SUSD6: variants seen among roughly 807,000 people sequenced by gnomAD.
The protein encoded by SUSD6 is sushi domain-containing protein 6.
Under a neutral mutation model 28.4 loss-of-function variants are expected in SUSD6, and 16 were observed. That is an observed-to-expected ratio of 0.56 (90% CI 0.38 to 0.86). The LOEUF is 0.86. SUSD6 is among the 40% of genes least tolerant of loss of function. The pLI, the probability that SUSD6 is intolerant of heterozygous loss-of-function variation, is 0.00. For missense variants in SUSD6, 341 were observed against 384.2 expected (o/e 0.89, Z 0.94); for synonymous variants, 147 against 159.6 (o/e 0.92, Z 0.59).
intron 1 of SUSD6, among the ~76,000 whole-genome samples, chr14:69,642,645 G>A (rs1333180839): frequency 9.5e-5 from 11 of 115,816 alleles, no homozygotes; most frequent in South Asian, 8.3e-4. Context: ...CAATTACCCC[G>A]CCCCCCGCCC....
intron 2 of SUSD6, among the ~76,000 whole-genome samples, chr14:69,679,854 T>G (rs1476973543): frequency 2.0e-5 from 3 of 152,226 alleles, no homozygotes; most frequent in Non-Finnish European, 4.4e-5. Flanking sequence ...CGTAGAAGTT[T>G]TGGAAAGTAT....
At chr14:69,634,673 T>C (rs1162172061) in intron 1 of SUSD6, among the ~76,000 whole-genome samples, 1 of 152,258 alleles carries the variant, frequency 6.6e-6, no homozygotes, top group Non-Finnish European at 1.5e-5. Flanking sequence ...GGAAGTGTGG[T>C]TGCAAAGGCA....
Position 69,714,480 on chromosome 14 carries a change from G to A in SUSD6, c.*3501G>A, listed in dbSNP as rs775064785. 3 of 152,226 alleles carry A rather than the reference G, an allele frequency of 2.0e-5. No individual in the cohort carries two copies. The highest frequency in any genetic ancestry group is 2.9e-5 in the Non-Finnish European group (2 of 68,056). The allele number at this position is 152,226 out of a possible 1,614,324, so 9.4% of individuals were successfully genotyped here. A position where few individuals can be genotyped will look rare whatever the true frequency, so the allele number is the denominator to read the frequency against. Reference sequence around the variant, plus strand: ...AGGCCTAGCAGGGAAGCAGCATGCAGGCTTCACAGCTTAATGCCAAGGACA... The same window carrying A: ...AGGCCTAGCAGGGAAGCAGCATGCAAGCTTCACAGCTTAATGCCAAGGACA... On this transcript the variant is annotated 3_prime_UTR_variant, in exon 6 of 6. Coordinates refer to ENST00000342745, the MANE Select transcript of SUSD6 (RefSeq NM_014734.4).
chr14:69,621,048 C>T (rs969017768), intron 1 of SUSD6, among the ~76,000 whole-genome samples: 14 of 152,152 alleles, frequency 9.2e-5, no homozygotes, highest in African/African-American at 2.2e-4. Context: ...AGTAAACGTA[C>T]GCCCTCCCCC....
At position 69,636,219 on chromosome 14, in the gene SUSD6, G is replaced by A. The variant is rs79571727; in HGVS notation, c.-80-22294G>A. 2.6e-5 allele frequency among the ~76,000 whole-genome samples: 4 copies of A among 152,342 alleles called. No individual in the cohort carries two copies. In the East Asian group the frequency reaches 5.8e-4, roughly 22 times the overall value. On this transcript the variant is annotated intron_variant, in intron 1 of 5. Coordinates refer to ENST00000342745, the MANE Select transcript of SUSD6 (RefSeq NM_014734.4). Reference sequence around the variant, plus strand: ...CTCTTGCTGCCTGGAGTGGGCGGCAGGCTATAGAACCACAATAGAGCAAGT... The same window carrying A: ...CTCTTGCTGCCTGGAGTGGGCGGCAAGCTATAGAACCACAATAGAGCAAGT...
intron 1 of SUSD6, among the ~76,000 whole-genome samples, chr14:69,632,457 AATGTAATG>A (rs1228006837): frequency 6.3e-4 from 96 of 152,250 alleles, no homozygotes; most frequent in African/African-American, 2.3e-3. Context: ...TGGCTTTTAA[AATGTAATG>A]CTTCCTTCCC....
At chr14:69,684,544 A>G (rs1372476047) in intron 2 of SUSD6, among the ~76,000 whole-genome samples, 2 of 152,254 alleles carry the variant, frequency 1.3e-5, no homozygotes, top group East Asian at 1.9e-4. Context: ...GATACTGCCC[A>G]GTTTTCTTAA....
chr14:69,687,739 C>T (rs960598746), intron 2 of SUSD6, among the ~76,000 whole-genome samples: 6 of 152,182 alleles, frequency 3.9e-5, no homozygotes, highest in African/African-American at 4.8e-5. Flanking sequence ...TGGCTGGCCA[C>T]GACATGGAGT....
At chr14:69,666,745 T>C (rs774858547) in intron 2 of SUSD6, among the ~76,000 whole-genome samples, 2 of 152,212 alleles carry the variant, frequency 1.3e-5, no homozygotes, top group African/African-American at 2.4e-5. Context: ...GAGAATTGTT[T>C]AGTCATCCAA....
intron 1 of SUSD6, among the ~76,000 whole-genome samples, chr14:69,624,436 C>T (rs1377031574): frequency 1.3e-5 from 2 of 151,922 alleles, no homozygotes; most frequent in Non-Finnish European, 2.9e-5. Context: ...CAAATTTAAC[C>T]TCTTTGATAC....
intron 2 of SUSD6, among the ~76,000 whole-genome samples, chr14:69,667,951 C>T (rs1325382169): frequency 6.6e-6 from 1 of 152,144 alleles, no homozygotes; most frequent in Non-Finnish European, 1.5e-5. Flanking sequence ...AGTGATCATC[C>T]CAGTAGATCC....
At chr14:69,627,084 C>G (rs1261870900) in intron 1 of SUSD6, among the ~76,000 whole-genome samples, 1 of 152,192 alleles carries the variant, frequency 6.6e-6, no homozygotes, top group Non-Finnish European at 1.5e-5. Flanking sequence ...ACCCTCTTAA[C>G]TAATTGCAAA....
At chr14:69,649,750 A>T (rs1885477163) in intron 1 of SUSD6, among the ~76,000 whole-genome samples, 1 of 152,152 alleles carries the variant, frequency 6.6e-6, no homozygotes, top group Admixed American at 6.5e-5. Context: ...CCAGGCAGGG[A>T]TGCTGAGGGT....
intron 2 of SUSD6, among the ~76,000 whole-genome samples, chr14:69,694,406 G>GT (rs1886193983): frequency 6.6e-6 from 1 of 152,198 alleles, no homozygotes; most frequent in Non-Finnish European, 1.5e-5. Flanking sequence ...GGACTACCCA[G>GT]TGGGTAACTG....
rs917574751 is a variant in SUSD6, at chr14:69,672,151, C to G, written c.121+13438C>G. On this transcript the variant is annotated intron_variant, in intron 2 of 5. Transcript: ENST00000342745. ...TTGGAGGCTGGCATTTAATAGCCCC[C>G]CTTTGTATGCAAGATCAAACACAAG... Among the ~76,000 whole-genome samples, 4 of 152,156 alleles carry G rather than the reference C, an allele frequency of 2.6e-5. No homozygotes were observed. The East Asian group carries it at 7.7e-4, about 29-fold the overall frequency.
intron 4 of SUSD6, among the ~76,000 whole-genome samples, chr14:69,707,227 T>A (rs1202454154): frequency 6.6e-6 from 1 of 152,188 alleles, no homozygotes; most frequent in Non-Finnish European, 1.5e-5. Context: ...TTCTGGGATC[T>A]GATGATGTAG....
chr14:69,675,358 G>A (rs548354707), intron 2 of SUSD6, among the ~76,000 whole-genome samples: 1 of 152,274 alleles, frequency 6.6e-6, no homozygotes, highest in African/African-American at 2.4e-5. Flanking sequence ...CCTGGGGTGT[G>A]TGCCAGGCAC....
chr14:69,623,754 G>A (rs1281367995), intron 1 of SUSD6, among the ~76,000 whole-genome samples: 1 of 152,080 alleles, frequency 6.6e-6, no homozygotes, highest in East Asian at 1.9e-4. Flanking sequence ...AGGCTAATGT[G>A]TGTGTTTGTG....
intron 1 of SUSD6, among the ~76,000 whole-genome samples, chr14:69,641,760 A>T (rs941403977): frequency 7.5e-5 from 11 of 146,014 alleles, no homozygotes; most frequent in South Asian, 7.4e-4. Context: ...CAGATAATTT[A>T]AAAAAAATTT....
Sources: gnomAD v4.1 joint callset for allele counts (sites outside exome capture counted in the v4.1 genomes callset) on GRCh38, gnomAD v4.1.1 for gene constraint, MANE v1.5 for transcripts, NCBI Gene and HGNC (gene_info 2026-07-23, HGNC 2026-07-21) for gene names.